The following DNAJC6 variants were observed in gnomAD, a reference collection of about 807,000 sequenced individuals.
The protein encoded by DNAJC6 is auxilin.
DNAJC6 carries 34 observed loss-of-function variants against 110.0 expected under a neutral mutation model. The ratio of observed to expected loss-of-function variants is 0.31; its 90% confidence interval spans 0.24 to 0.41. The LOEUF (loss-of-function observed/expected upper bound fraction) is 0.41. Ranked by LOEUF, DNAJC6 falls within the 10% of genes least tolerant of loss-of-function variation. The probability of loss-of-function intolerance (pLI) is 1.00; values close to 1 mark genes in which losing one functional copy is unlikely to be tolerated. For synonymous variants in DNAJC6, 406 were observed against 437.2 expected (o/e 0.93, Z 0.89); for missense variants, 1,031 against 1,207.8 (o/e 0.85, Z 2.17).
chr1:65,311,475 TC>T (rs1645101479), intron 1 of DNAJC6, among the ~76,000 whole-genome samples: 1 of 152,206 alleles, frequency 6.6e-6, no homozygotes, highest in Non-Finnish European at 1.5e-5. Context: ...TCTGCCTGCC[TC>T]GGCCTCCCAA....
chr1:65,380,898 T>G lies in DNAJC6; in HGVS notation c.666+1374T>G, dbSNP rs531945927. Among the ~76,000 whole-genome samples the G allele has an allele frequency of 3.1e-5, 4 of 128,086 alleles. No homozygotes were observed. The Admixed American group carries it at 3.3e-4, about 11-fold the overall frequency. The allele number at this position is 128,086 out of a possible 152,430, so 84.0% of individuals were successfully genotyped here. A position where few individuals can be genotyped will look rare whatever the true frequency, so the allele number is the denominator to read the frequency against. On this transcript the variant is annotated intron_variant, in intron 5 of 18. Transcript: ENST00000371069. The stretch of plus-strand genomic sequence containing the variant: ...TGAAGCTGGGGGAGGGAGTTTTTTT[T>G]TTTTTGTTTTTTGTTTTGTTTTGTT...
chr1:65,284,256 C>T (rs1653942623), intron 1 of DNAJC6, among the ~76,000 whole-genome samples: 1 of 152,198 alleles, frequency 6.6e-6, no homozygotes, highest in Admixed American at 6.5e-5. Flanking sequence ...TACCACCTCT[C>T]AACAAGAGTG....
At chr1:65,320,627 T>TA (rs1263017709) in intron 1 of DNAJC6, among the ~76,000 whole-genome samples, 1 of 152,234 alleles carries the variant, frequency 6.6e-6, no homozygotes, top group Non-Finnish European at 1.5e-5. Context: ...CCTGGCTGCC[T>TA]ACTATGTGCT....
chr1:65,368,579 T>TTCC (rs1645671618), intron 4 of DNAJC6, among the ~76,000 whole-genome samples: 1 of 132,268 alleles, frequency 7.6e-6, no homozygotes, highest in Non-Finnish European at 1.5e-5. Flanking sequence ...TTTCCTCTTC[T>TTCC]TCCTCCTCTT....
chr1:65,346,031 C>T (rs1257619265), intron 1 of DNAJC6, among the ~76,000 whole-genome samples: 3 of 152,104 alleles, frequency 2.0e-5, no homozygotes, highest in Non-Finnish European at 4.4e-5. Context: ...GATTTTCCTC[C>T]AAATGCTTGC....
intron 1 of DNAJC6, among the ~76,000 whole-genome samples, chr1:65,274,654 G>A (rs1248678817): frequency 9.0e-6 from 1 of 110,690 alleles, no homozygotes; most frequent in Admixed American, 1.0e-4. Context: ...TATGTAATCT[G>A]TATCTTTTAG....
At chr1:65,319,472 C>G (rs74547139) in intron 1 of DNAJC6, among the ~76,000 whole-genome samples, 1 of 152,148 alleles carries the variant, frequency 6.6e-6, no homozygotes, top group Non-Finnish European at 1.5e-5. Flanking sequence ...GAGGCCAGTA[C>G]GGTGTCTGTA....
chr1:65,316,681 G>T (rs1470482463), intron 1 of DNAJC6, among the ~76,000 whole-genome samples: 1 of 152,170 alleles, frequency 6.6e-6, no homozygotes, highest in Non-Finnish European at 1.5e-5. Flanking sequence ...ATACAGCTAG[G>T]TTTTAACAGA....
rs1208086909 is a variant in DNAJC6, at chr1:65,415,359, A to G, written c.*2334A>G. 6.6e-6 allele frequency: 1 copy of G among 151,990 alleles called. No homozygotes were observed. The highest frequency in any genetic ancestry group is 1.5e-5 in the Non-Finnish European group (1 of 67,996). The allele number at this position is 151,990 out of a possible 1,614,324, so 9.4% of individuals were successfully genotyped here. A position where few individuals can be genotyped will look rare whatever the true frequency, so the allele number is the denominator to read the frequency against. On this transcript the variant is annotated 3_prime_UTR_variant, in exon 19 of 19. Transcript: ENST00000371069. ...CCACCTTCTGACATGATTTACTTTT[A>G]AGGAAAGTTATGAGGAGAGAATACA...
intron 18 of DNAJC6, among the ~76,000 whole-genome samples, chr1:65,411,909 T>C (rs761221608): frequency 1.1e-4 from 16 of 152,088 alleles, no homozygotes; most frequent in Non-Finnish European, 2.1e-4. Flanking sequence ...TGATCAAGGC[T>C]GCAGTGAGCT....
At chr1:65,316,754 G>A (rs1645152457) in intron 1 of DNAJC6, among the ~76,000 whole-genome samples, 4 of 152,144 alleles carry the variant, frequency 2.6e-5, no homozygotes, top group Admixed American at 2.6e-4. Flanking sequence ...TCAGTAATGA[G>A]CATTTTTTCA....
At chr1:65,273,997 C>T (rs973859832) in intron 1 of DNAJC6, among the ~76,000 whole-genome samples, 5 of 152,068 alleles carry the variant, frequency 3.3e-5, no homozygotes, top group East Asian at 1.9e-4. Context: ...TCCTGAGGTG[C>T]GGATCTTCTG....
chr1:65,408,659 C>T lies in DNAJC6; in HGVS notation c.2510C>T (p.Ala837Val). ...SSNLEGKQKA[A>V]DFEDLLSGQG... is the part of the protein sequence containing the mutation. ...ATTGCAGAAGGGAAACAAAAAGCAG[C>T]TGATTTTGAAGACCTACTCTCTGGT... The change falls in exon 17 of 19, where the codon GCT (alanine) becomes GTT (valine). Residue 837 changes from alanine (A) to valine (V), a missense_variant. Physicochemically the swap from Ala to Val is moderately conservative, Grantham distance 64. Transcript: ENST00000371069. 1 of 1,611,140 alleles carries T rather than the reference C, an allele frequency of 6.2e-7. No individual in the cohort carries two copies. Among genetic ancestry groups the T allele is most frequent in the Admixed American group, 1.7e-5 (1 of 59,032 alleles).
intron 1 of DNAJC6, chr1:65,279,241 C>T (rs1217117939): frequency 8.8e-6 from 7 of 796,034 alleles, no homozygotes; most frequent in Non-Finnish European, 1.1e-5. Context: ...AGATTGAACC[C>T]AGCTGTGACT....
At chr1:65,264,825 C>A (rs1653261202) in exon 1 of DNAJC6, 79 of 1,583,830 alleles carry the variant, frequency 5.0e-5, no homozygotes, top group Non-Finnish European at 6.5e-5. Context: ...CCCGAGACCG[C>A]TGACTGTGAA....
chr1:65,392,580 A>C lies in DNAJC6; in HGVS notation c.1618A>C (p.Lys540Gln). The change falls in exon 12 of 19, where the codon AAA becomes CAA. Residue 540 changes from lysine to glutamine, a missense_variant. Physicochemically the swap from Lys to Gln is moderately conservative, Grantham distance 53. Transcript: ENST00000371069. Reference protein sequence around the residue: ...DKPHGVKKPSKKQQEPAAPPP... With the variant: ...DKPHGVKKPSQKQQEPAAPPP... Reference sequence around the variant, plus strand: ...GCCTCATGGAGTCAAGAAGCCCAGCAAAAAGCAGCAGGAGCCAGCAGCCCC... The same window carrying C: ...GCCTCATGGAGTCAAGAAGCCCAGCCAAAAGCAGCAGGAGCCAGCAGCCCC... The C allele has an allele frequency of 6.2e-7, 1 of 1,614,146 alleles. No individual in the cohort carries two copies. Among genetic ancestry groups the C allele is most frequent in the Non-Finnish European group, 8.5e-7 (1 of 1,180,020 alleles).
At chr1:65,368,601 TCTTCTCCTC>T (rs1327265492) in intron 4 of DNAJC6, among the ~76,000 whole-genome samples, 8 of 146,668 alleles carry the variant, frequency 5.5e-5, no homozygotes, top group Middle Eastern at 3.4e-3. Flanking sequence ...TTCTTCTTCT[TCTTCTCCTC>T]CTTCTCCTTC....
At chr1:65,276,966 C>A (rs140268612) in intron 1 of DNAJC6, among the ~76,000 whole-genome samples, 1 of 152,196 alleles carries the variant, frequency 6.6e-6, no homozygotes, top group African/African-American at 2.4e-5. Context: ...AGGCTCACCT[C>A]AGTGAGCCTC....
In DNAJC6 at chr1:65,365,932, T is replaced by C. The variant is rs139164991; in HGVS notation, c.392T>C (p.Ile131Thr). The change falls in exon 3 of 19, where the codon ATT becomes ACT. Residue 131 changes from isoleucine (I) to threonine (T), a missense_variant and splice_region_variant. Transcript: ENST00000371069. ...TTCACTTATGTTACCTCCAGAATTA[T>C]TGGTAAGTTTCTCATGTTTATTAAC... ...LDFTYVTSRIIVMSFPLDNVD... is the reference protein window; with the variant it reads ...LDFTYVTSRITVMSFPLDNVD... 1 of 1,613,498 alleles carries C rather than the reference T, an allele frequency of 6.2e-7. No homozygotes were observed. The highest frequency in any genetic ancestry group is 8.5e-7 in the Non-Finnish European group (1 of 1,179,714).
Sources: allele counts gnomAD v4.1 joint callset (sites outside exome capture counted in the v4.1 genomes callset), GRCh38; gene constraint gnomAD v4.1.1; transcripts MANE v1.5; gene names NCBI Gene and HGNC (gene_info 2026-07-23, HGNC 2026-07-21).